Variants in APPL2 observed in about 807,000 individuals in gnomAD.
APPL2 encodes the protein adaptor protein, phosphotyrosine interacting with PH domain and leucine zipper 2.
In APPL2, 84 loss-of-function variants were observed where a neutral mutation model predicts 92.7. The ratio of observed to expected loss-of-function variants is 0.91; its 90% CI spans 0.76 to 1.09. APPL2 has a LOEUF of 1.09. APPL2 is among the 50% of genes least tolerant of loss of function. The probability of loss-of-function intolerance (pLI) is 0.00; values close to 1 mark genes in which losing one functional copy is unlikely to be tolerated. For synonymous variants in APPL2, 291 were observed against 291.0 expected, an observed-to-expected ratio of 1.00 and a Z score of 0.00; for missense variants, 736 against 824.5, an observed-to-expected ratio of 0.89 and a Z score of 1.31.
rs776685346 is a variant in APPL2, at chr12:105,174,333, C to T, written c.1976G>A (p.Gly659Asp). 9 of 1,613,910 alleles carry T rather than the reference C, an allele frequency of 5.6e-6. No homozygotes were observed. The South Asian group carries it at 8.8e-5, about 16-fold the overall frequency. ...AGTGAGTTATGCTTCGGATTCTGCGCCTCTATGTTCGTTTGGATTTCCATC... is the reference window on the plus strand; with the variant it reads ...AGTGAGTTATGCTTCGGATTCTGCGTCTCTATGTTCGTTTGGATTTCCATC... ...DDDGNPNEHR[G>D]AESEA The change falls in exon 21 of 21, where the codon GGC becomes GAC. Residue 659 changes from glycine (G) to aspartate (D), a missense_variant. Coordinates refer to ENST00000258530, the MANE Select transcript of APPL2 (RefSeq NM_018171.5).
At chr12:105,228,176 A>G (rs1890663865) in intron 2 of APPL2, among the ~76,000 whole-genome samples, 1 of 152,258 alleles carries the variant, frequency 6.6e-6, no homozygotes, top group South Asian at 2.1e-4. Flanking sequence ...GCTATATACT[A>G]CTGAATGTGG....
chr12:105,236,160 T>G lies in APPL2; in HGVS notation c.-148A>C. On this transcript the variant is annotated 5_prime_UTR_variant, in exon 1 of 21. Transcript: ENST00000258530. Reference sequence around the variant, plus strand: ...CCCGCGCGCGTCCACGCCTGGCCAGTGGCCGCCGCCGCCTGCCCGCCGGCC... The same window carrying G: ...CCCGCGCGCGTCCACGCCTGGCCAGGGGCCGCCGCCGCCTGCCCGCCGGCC... 1 of 149,418 alleles carries G rather than the reference T, an allele frequency of 6.7e-6. No individual in the cohort carries two copies. 9.3% of individuals were successfully genotyped at this position (149,418 alleles called of 1,614,324 possible).
At chr12:105,178,677 C>T (rs560641785) in intron 17 of APPL2, among the ~76,000 whole-genome samples, 6 of 152,090 alleles carry the variant, frequency 3.9e-5, no homozygotes, top group Non-Finnish European at 7.3e-5. Flanking sequence ...GCAAGTCACC[C>T]GGACTTCTTA....
chr12:105,194,639 C>G (rs7136453), intron 14 of APPL2, among the ~76,000 whole-genome samples: 1 of 151,766 alleles, frequency 6.6e-6, no homozygotes, highest in Non-Finnish European at 1.5e-5. Context: ...TGCAGTGAGC[C>G]GGGATTACTC....
At position 105,174,882 on chromosome 12, in the gene APPL2, G is replaced by A. The variant is rs1036431760; in HGVS notation, c.1861-434C>T. ...TGCTGCTGCTTTTTTTTGGTGGGGG[G>A]GGGGGTGGTGCGGCGGTTGGAGACA... On this transcript the variant is annotated intron_variant, in intron 20 of 20. Transcript: ENST00000258530. Among the ~76,000 whole-genome samples the A allele has an allele frequency of 4.6e-5, 5 of 108,214 alleles. 1 individual carries two copies. The highest frequency in any genetic ancestry group is 9.5e-5 in the Non-Finnish European group (5 of 52,704). 71.0% of individuals were successfully genotyped at this position (108,214 alleles called of 152,430 possible). A position where few individuals can be genotyped will look rare whatever the true frequency, so the allele number is the denominator to read the frequency against.
intron 4 of APPL2, 81 bp from the exon 5 acceptor site, chr12:105,211,398 C>T (rs1889206703): frequency 1.9e-6 from 2 of 1,027,884 alleles, no homozygotes; most frequent in African/African-American, 1.6e-5. Flanking sequence ...AGGAATCACA[C>T]TGAACACTTC....
intron 11 of APPL2, 101 bp from the exon 12 acceptor site, chr12:105,195,728 G>T: frequency 7.7e-7 from 1 of 1,303,694 alleles, no homozygotes; most frequent in Non-Finnish European, 1.1e-6. Context: ...GAGGAAAAGT[G>T]CCATGAAGGC....
intron 9 of APPL2, among the ~76,000 whole-genome samples, chr12:105,200,190 T>C (rs187023980): frequency 1.3e-5 from 2 of 152,254 alleles, no homozygotes; most frequent in Admixed American, 6.5e-5. Flanking sequence ...GCACCGTTGA[T>C]GGAAATTTTT....
chr12:105,187,618 A>C (rs1468223814), intron 17 of APPL2, among the ~76,000 whole-genome samples: 1 of 152,248 alleles, frequency 6.6e-6, no homozygotes, highest in Non-Finnish European at 1.5e-5. Context: ...AAAGTAACAG[A>C]TAAAATTAAT....
intron 2 of APPL2, among the ~76,000 whole-genome samples, chr12:105,225,152 T>TC: frequency 7.0e-6 from 1 of 143,122 alleles, no homozygotes; most frequent in Non-Finnish European, 1.5e-5. Context: ...CCAAATTTAC[T>TC]TAAAAAAAAA....
At chr12:105,198,194 C>T (rs577890408) in intron 10 of APPL2, among the ~76,000 whole-genome samples, 73 of 152,242 alleles carry the variant, frequency 4.8e-4, no homozygotes, top group African/African-American at 1.6e-3. Context: ...GCCGACTCCC[C>T]GCACCACAGC....
chr12:105,218,823 C>T (rs960140452), intron 2 of APPL2, among the ~76,000 whole-genome samples: 5 of 152,176 alleles, frequency 3.3e-5, no homozygotes, highest in African/African-American at 9.7e-5. Context: ...TCCCAGAAAA[C>T]CAGAGGAAAC....
Position 105,218,275 on chromosome 12 carries a change from T to A in APPL2, c.154-550A>T, listed in dbSNP as rs919232682. ...AAAAGGTTAAAGCTTGCTATTTTAT[T>A]TTTTAACCCTTTACAAATGACTGCT... On this transcript the variant is annotated intron_variant, in intron 2 of 20. Coordinates refer to ENST00000258530, the MANE Select transcript of APPL2 (RefSeq NM_018171.5). 2.6e-5 allele frequency among the ~76,000 whole-genome samples: 4 copies of A among 152,358 alleles called. No individual in the cohort carries two copies. In the South Asian group the frequency reaches 8.3e-4, roughly 32 times the overall value.
intron 17 of APPL2, among the ~76,000 whole-genome samples, chr12:105,181,725 C>T (rs1290401965): frequency 2.0e-5 from 3 of 152,124 alleles, no homozygotes; most frequent in East Asian, 1.9e-4. Context: ...TCCATTTCTT[C>T]TAGATTTTCT....
chr12:105,211,447 T>G (rs1395299749), intron 4 of APPL2, 130 bp from the exon 5 acceptor site: 2 of 639,572 alleles, frequency 3.1e-6, no homozygotes, highest in Admixed American at 5.4e-5. Flanking sequence ...CCTCAGCAAG[T>G]AAGTACCCTT....
chr12:105,221,267 T>C (rs975887559), intron 2 of APPL2, among the ~76,000 whole-genome samples: 1 of 152,230 alleles, frequency 6.6e-6, no homozygotes, highest in Non-Finnish European at 1.5e-5. Context: ...TAAAGATAGC[T>C]GCTAACCCTG....
chr12:105,212,042 C>G (rs1889265795), intron 4 of APPL2, among the ~76,000 whole-genome samples: 1 of 135,620 alleles, frequency 7.4e-6, no homozygotes, highest in African/African-American at 2.7e-5. Flanking sequence ...TGGTGTGAAC[C>G]CGGGAGGTGG....
Position 105,208,221 on chromosome 12 carries a change from G to A in APPL2, c.374-22C>T, listed in dbSNP as rs375789163. 57 of 1,613,820 alleles carry A rather than the reference G, an allele frequency of 3.5e-5. No individual in the cohort carries two copies. In the East Asian group the frequency reaches 4.7e-4, roughly 13 times the overall value. ...ACTTCTGAAAAGGAGAAAAGGGACC[G>A]TCTTAGAGCAATGAAAAATAAAACA... On this transcript the variant is annotated intron_variant, in intron 5 of 20. Transcript: ENST00000258530.
At chr12:105,233,436 G>C (rs781540906) in intron 1 of APPL2, 7 of 982,826 alleles carry the variant, frequency 7.1e-6, no homozygotes, top group Non-Finnish European at 8.5e-6. Flanking sequence ...AACTAAAAAG[G>C]AGTCCATGAA....
Sources: gnomAD v4.1 joint callset for allele counts (sites outside exome capture counted in the v4.1 genomes callset) on GRCh38, gnomAD v4.1.1 for gene constraint, MANE v1.5 for transcripts, NCBI Gene and HGNC (gene_info 2026-07-23, HGNC 2026-07-21) for gene names.